CYB5B: variants seen among roughly 807,000 people sequenced by gnomAD.
CYB5B encodes cytochrome b5 type B, also known as cytochrome b5 type B (outer mitochondrial membrane).
A neutral mutation model predicts 21.3 loss-of-function variants in CYB5B; 14 were observed. That is an observed-to-expected ratio of 0.66 (90% confidence interval 0.43 to 1.03). The LOEUF (loss-of-function observed/expected upper bound fraction) is 1.03. Among genes scored for constraint, CYB5B ranks in the 50% least tolerant of loss-of-function variants. CYB5B has a pLI of 0.00. For synonymous variants in CYB5B, 69 were observed against 68.4 expected, an observed-to-expected ratio of 1.01 and a Z score of -0.04; for missense variants, 166 against 185.1, an observed-to-expected ratio of 0.90 and a Z score of 0.60.
intron 3 of CYB5B, among the ~76,000 whole-genome samples, chr16:69,450,627 G>C (rs6499225): frequency 0.43 from 65,234 of 151,952 alleles, 15,267 homozygotes; most frequent in African/African-American, 0.62. Context: ...TTTAAATAGG[G>C]ACTTGGTGTC....
Position 69,462,611 on chromosome 16 carries a change from C to T in CYB5B, c.*91C>T. 2 of 1,045,050 alleles carry T rather than the reference C, an allele frequency of 1.9e-6. No individual in the cohort carries two copies. The highest frequency in any genetic ancestry group is 1.5e-6 in the Non-Finnish European group (1 of 682,154). The allele number at this position is 1,045,050 out of a possible 1,614,324, so 64.7% of individuals were successfully genotyped here. On this transcript the variant is annotated 3_prime_UTR_variant, in exon 5 of 5. Coordinates refer to ENST00000307892, the MANE Select transcript of CYB5B (RefSeq NM_030579.3). ...CTGCAGAAGTGCCCTCTCCTCGAAT[C>T]CTGCCAGTTGCATTCTTCCCCCTTG...
intron 1 of CYB5B, among the ~76,000 whole-genome samples, chr16:69,438,269 G>T (rs1436395188): frequency 6.6e-6 from 1 of 152,158 alleles, no homozygotes; most frequent in Non-Finnish European, 1.5e-5. Flanking sequence ...AATATTTTAT[G>T]TATATACCAC....
intron 1 of CYB5B, among the ~76,000 whole-genome samples, chr16:69,427,209 C>CT (rs1481950164): frequency 6.6e-6 from 1 of 151,874 alleles, no homozygotes; most frequent in Non-Finnish European, 1.5e-5. Flanking sequence ...GCACTCCAGC[C>CT]TGGGTGACAG....
intron 3 of CYB5B, among the ~76,000 whole-genome samples, chr16:69,451,225 A>G (rs1050823393): frequency 1.3e-5 from 2 of 152,132 alleles, no homozygotes; most frequent in Admixed American, 6.5e-5. Context: ...TCTCCTACTT[A>G]TATTTGACTT....
intron 1 of CYB5B, among the ~76,000 whole-genome samples, chr16:69,436,686 A>G (rs941326069): frequency 5.3e-5 from 8 of 152,198 alleles, no homozygotes; most frequent in Middle Eastern, 6.8e-3. Flanking sequence ...ACTAGGCCTA[A>G]TTTTGCACTT....
intron 1 of CYB5B, among the ~76,000 whole-genome samples, chr16:69,445,031 C>A (rs2311397): frequency 0.35 from 53,449 of 152,114 alleles, 10,448 homozygotes; most frequent in Admixed American, 0.46. Context: ...TGTAGCAAGT[C>A]AAAAATTCAG....
chr16:69,431,887 A>G (rs1435650311), intron 1 of CYB5B, among the ~76,000 whole-genome samples: 1 of 152,222 alleles, frequency 6.6e-6, no homozygotes, highest in African/African-American at 2.4e-5. Flanking sequence ...TTTATGAAGA[A>G]AACAAATGAG....
intron 3 of CYB5B, among the ~76,000 whole-genome samples, chr16:69,450,991 G>A (rs2014925735): frequency 6.6e-6 from 1 of 152,052 alleles, no homozygotes; most frequent in Non-Finnish European, 1.5e-5. Flanking sequence ...TATAACACAG[G>A]TAAATAATTA....
rs2015079087 is a variant in CYB5B at position 69,465,385 on chromosome 16, C to G, written c.*2865C>G. On this transcript the variant is annotated 3_prime_UTR_variant, in exon 5 of 5. Transcript: ENST00000307892. ...TTGAAATGACACCAAAATTCCTCAG[C>G]CCCTACTCAGCAATTGGTTTTGGTT... 6.6e-6 allele frequency: 1 copy of G among 152,208 alleles called. No homozygotes were observed. The highest frequency in any genetic ancestry group is 2.4e-5 in the African/African-American group (1 of 41,454). 9.4% of individuals were successfully genotyped at this position (152,208 alleles called of 1,614,324 possible).
Position 69,464,575 on chromosome 16 carries a change from C to G in CYB5B, c.*2055C>G, listed in dbSNP as rs777410273. On this transcript the variant is annotated 3_prime_UTR_variant, in exon 5 of 5. Transcript: ENST00000307892. ...GGGAACATTCAAACTAAAGCCAAGC[C>G]TGAAGATAACTTGAATCAGTTGTAA... 1 of 152,214 alleles carries G rather than the reference C, an allele frequency of 6.6e-6. No homozygotes were observed. Among genetic ancestry groups the G allele is most frequent in the African/African-American group, 2.4e-5 (1 of 41,392 alleles). 9.4% of individuals were successfully genotyped at this position (152,214 alleles called of 1,614,324 possible). A position where few individuals can be genotyped will look rare whatever the true frequency, so the allele number is the denominator to read the frequency against.
At chr16:69,432,873 T>C (rs1478464962) in intron 1 of CYB5B, among the ~76,000 whole-genome samples, 1 of 152,112 alleles carries the variant, frequency 6.6e-6, no homozygotes, top group African/African-American at 2.4e-5. Flanking sequence ...CTCAGCCCAC[T>C]GCAACTTCCA....
At chr16:69,438,973 GT>G (rs529155053) in intron 1 of CYB5B, among the ~76,000 whole-genome samples, 9 of 150,484 alleles carry the variant, frequency 6.0e-5, no homozygotes, top group African/African-American at 1.2e-4. Context: ...CAATTTATCT[GT>G]TTTTTTTTGT....
chr16:69,448,773 C>T (rs916744029), intron 3 of CYB5B: 2 of 152,266 alleles, frequency 1.3e-5, no homozygotes, highest in Non-Finnish European at 2.9e-5. Flanking sequence ...TTCCCTTATT[C>T]CCTAACAATT....
chr16:69,462,464 G>A lies in CYB5B; in HGVS notation c.397G>A (p.Ala133Thr), dbSNP rs754133122. Residue 133 changes from alanine (A) to threonine (T), a missense_variant, in exon 5 of 5, where the codon GCT becomes ACT. Coordinates refer to ENST00000307892, the MANE Select transcript of CYB5B (RefSeq NM_030579.3). ...WAYWILPIIG[A>T]VLLGFLYRYY... The stretch of plus-strand genomic sequence containing the variant: ...ATATTGGATTTTACCCATCATAGGC[G>A]CTGTTCTCTTAGGTTTCCTGTACCG... 28 of 1,613,944 alleles carry A rather than the reference G, an allele frequency of 1.7e-5. No individual in the cohort carries two copies. Among genetic ancestry groups the A allele is most frequent in the African/African-American group, 9.3e-5 (7 of 74,884 alleles).
At chr16:69,442,225 T>A (rs2014831372) in intron 1 of CYB5B, among the ~76,000 whole-genome samples, 1 of 152,192 alleles carries the variant, frequency 6.6e-6, no homozygotes, top group African/African-American at 2.4e-5. Flanking sequence ...TCTTTCTTTG[T>A]TTACATGAAA....
At chr16:69,430,673 C>T (rs2014696431) in intron 1 of CYB5B, among the ~76,000 whole-genome samples, 1 of 127,602 alleles carries the variant, frequency 7.8e-6, no homozygotes, top group Non-Finnish European at 1.7e-5. Flanking sequence ...TATTTTAAAA[C>T]TTTTTTTTTT....
intron 3 of CYB5B, chr16:69,448,701 C>T (rs1178521045): frequency 6.6e-6 from 1 of 152,482 alleles, no homozygotes; most frequent in African/African-American, 2.4e-5. Context: ...ATGTGTACTA[C>T]ATTGCATACC....
intron 3 of CYB5B, among the ~76,000 whole-genome samples, chr16:69,452,453 G>A (rs1306708127): frequency 6.6e-6 from 1 of 152,114 alleles, no homozygotes; most frequent in Non-Finnish European, 1.5e-5. Flanking sequence ...GGCTGAGGTG[G>A]ACGGATCACA....
intron 1 of CYB5B, among the ~76,000 whole-genome samples, chr16:69,432,473 T>C (rs1483660887): frequency 6.6e-6 from 1 of 152,218 alleles, no homozygotes; most frequent in African/African-American, 2.4e-5. Flanking sequence ...CTAAACTCTT[T>C]CAATCCCAAT....
Sources: gnomAD v4.1 joint callset for allele counts (sites outside exome capture counted in the v4.1 genomes callset) on GRCh38, gnomAD v4.1.1 for gene constraint, MANE v1.5 for transcripts, NCBI Gene and HGNC (gene_info 2026-07-23, HGNC 2026-07-21) for gene names.